NCKAP1: variants seen among roughly 807,000 people sequenced by gnomAD.
NCKAP1 encodes the protein nck-associated protein 1.
In NCKAP1, 21 loss-of-function variants were observed where a neutral mutation model predicts 151.2. The observed-to-expected ratio is 0.14, with a 90% confidence interval of 0.10 to 0.20. NCKAP1 has a LOEUF of 0.20. NCKAP1 is among the 10% of genes least tolerant of loss of function. The pLI is 1.00. For synonymous variants in NCKAP1, 484 were observed against 451.8 expected (o/e 1.07, Z -0.90); for missense variants, 933 against 1,352.1 (o/e 0.69, Z 4.86).
At chr2:182,989,340 A>C (rs962075333) in intron 8 of NCKAP1, among the ~76,000 whole-genome samples, 154 bp from the exon 9 acceptor site, 1 of 152,228 alleles carries the variant, frequency 6.6e-6, no homozygotes, top group African/African-American at 2.4e-5. Context: ...AAACCATGGT[A>C]ATACGTTTCT....
At chr2:183,011,150 T>G (rs983776572) in intron 2 of NCKAP1, among the ~76,000 whole-genome samples, 2 of 152,210 alleles carry the variant, frequency 1.3e-5, no homozygotes, top group Non-Finnish European at 2.9e-5. Flanking sequence ...TAACGTACAG[T>G]GTGTTAGAAA....
At chr2:182,965,166 G>A (rs1401322531) in intron 16 of NCKAP1, among the ~76,000 whole-genome samples, 11 of 151,972 alleles carry the variant, frequency 7.2e-5, no homozygotes, top group Admixed American at 6.5e-4. Flanking sequence ...CAAGGCAGGT[G>A]GATCACTGGA....
intron 8 of NCKAP1, among the ~76,000 whole-genome samples, chr2:182,993,098 C>A (rs532547916): frequency 6.6e-6 from 1 of 152,204 alleles, no homozygotes; most frequent in Non-Finnish European, 1.5e-5. Flanking sequence ...CAACAGATAC[C>A]AAAATCTGTG....
In NCKAP1 at chr2:182,920,147, T is replaced by A. The variant is rs1310984297; in HGVS notation, c.*5555A>T. 1.3e-5 allele frequency: 2 copies of A among 151,906 alleles called. No individual in the cohort carries two copies. The highest frequency in any genetic ancestry group is 3.9e-4 in the East Asian group (2 of 5,176). 9.4% of individuals were successfully genotyped at this position (151,906 alleles called of 1,614,324 possible). ...CACACCCGGCTTTTTCATTTTTGTA[T>A]TTTTTTTGTAGAGATGGGGTTTAGA... On this transcript the variant is annotated 3_prime_UTR_variant, in exon 31 of 31. Transcript: ENST00000361354.
intron 8 of NCKAP1, among the ~76,000 whole-genome samples, chr2:182,992,929 G>A (rs145467244): frequency 7.2e-4 from 110 of 151,840 alleles, no homozygotes; most frequent in African/African-American, 2.6e-3. Flanking sequence ...TTGTTTTTCT[G>A]GTAATTCTAG....
At chr2:183,030,847 T>C (rs941832293) in intron 1 of NCKAP1, among the ~76,000 whole-genome samples, 1 of 152,184 alleles carries the variant, frequency 6.6e-6, no homozygotes, top group Non-Finnish European at 1.5e-5. Context: ...TGGAAAACTT[T>C]ATATCAAGAG....
At position 182,995,852 on chromosome 2, in the gene NCKAP1, GA is replaced by G. The variant is rs753460487; in HGVS notation, c.604-15del. 26 of 1,589,948 alleles carry G rather than the reference GA, an allele frequency of 1.6e-5. No individual in the cohort carries two copies. Among genetic ancestry groups the G allele is most frequent in the African/African-American group, 1.5e-4 (11 of 73,988 alleles). On this transcript the variant is annotated splice_polypyrimidine_tract_variant and intron_variant, in intron 6 of 30. Transcript: ENST00000361354. ...ATCTGAAAGAGACTAATTAAAATAC[GA>G]AAAAAAAGCTGAAGAATAATTTTCT... is the stretch of plus-strand genomic sequence containing the variant.
intron 2 of NCKAP1, among the ~76,000 whole-genome samples, chr2:183,005,783 C>T (rs1209350473): frequency 6.6e-6 from 1 of 152,184 alleles, no homozygotes; most frequent in Non-Finnish European, 1.5e-5. Context: ...ACAATCTATT[C>T]ACTATTTTCT....
rs1453993128 is a variant in NCKAP1 at position 182,922,084 on chromosome 2, A to G, written c.*3618T>C. 2 of 152,226 alleles carry G rather than the reference A, an allele frequency of 1.3e-5. No individual in the cohort carries two copies. The highest frequency in any genetic ancestry group is 2.9e-5 in the Non-Finnish European group (2 of 68,040). 9.4% of individuals were successfully genotyped at this position (152,226 alleles called of 1,614,324 possible). ...GTTCATGCTGTCATTTCAAGTGACT[A>G]CAAAGAAGAAATGAAAGAAAGATGT... On this transcript the variant is annotated 3_prime_UTR_variant, in exon 31 of 31. Transcript: ENST00000361354.
Position 182,925,634 on chromosome 2 carries a change from A to T in NCKAP1, c.*68T>A. 1 of 780,270 alleles carries T rather than the reference A, an allele frequency of 1.3e-6. No homozygotes were observed. The highest frequency in any genetic ancestry group is 2.0e-6 in the Non-Finnish European group (1 of 509,770). The allele number at this position is 780,270 out of a possible 1,614,324, so 48.3% of individuals were successfully genotyped here. ...ACTTTTTCAGGTCTTAAGGTAAAAT[A>T]GTTCCACAGTCTACAGGTAAAACCA... is the stretch of plus-strand genomic sequence containing the variant. On this transcript the variant is annotated 3_prime_UTR_variant, in exon 31 of 31. Transcript: ENST00000361354.
chr2:183,003,195 C>A (rs1414531201), intron 3 of NCKAP1, 38 bp downstream of exon 3: 2 of 1,300,734 alleles, frequency 1.5e-6, no homozygotes, highest in Non-Finnish European at 2.1e-6. Flanking sequence ...TTTAAATCTA[C>A]TTCTGAAGTG....
chr2:183,002,845 A>C, intron 4 of NCKAP1, 129 bp downstream of exon 4: 2 of 621,368 alleles, frequency 3.2e-6, no homozygotes, highest in South Asian at 5.3e-5. Context: ...AAAAGCTATA[A>C]AACAAGCCAA....
At chr2:182,980,275 T>C (rs1388847635) in intron 13 of NCKAP1, among the ~76,000 whole-genome samples, 1 of 151,998 alleles carries the variant, frequency 6.6e-6, no homozygotes, top group Non-Finnish European at 1.5e-5. Context: ...GAGTTTAGAA[T>C]ACTAGCTTGT....
chr2:182,999,617 G>A (rs552052562), intron 6 of NCKAP1, among the ~76,000 whole-genome samples: 2 of 152,234 alleles, frequency 1.3e-5, no homozygotes, highest in South Asian at 4.1e-4. Flanking sequence ...ACCAAAAATA[G>A]AATTACCATT....
At position 182,952,937 on chromosome 2, in the gene NCKAP1, T is replaced by TAAACTTCCAAATACCTAAGGAG; in HGVS notation, c.2373-15_2373-14insCTCCTTAGGTATTTGGAAGTTT. ...GTTTCCAAATACCTAAGGAGAAACG[T>TAAACTTCCAAATACCTAAGGAG]AAACTTATAACCGGAAGAAACTGCT... On this transcript the variant is annotated splice_polypyrimidine_tract_variant and intron_variant, in intron 21 of 30. Coordinates refer to ENST00000361354, the MANE Select transcript of NCKAP1 (RefSeq NM_013436.5). The TAAACTTCCAAATACCTAAGGAG allele has an allele frequency of 6.2e-7, 1 of 1,603,982 alleles. No homozygotes were observed. Among genetic ancestry groups the TAAACTTCCAAATACCTAAGGAG allele is most frequent in the Non-Finnish European group, 8.5e-7 (1 of 1,176,484 alleles).
chr2:183,003,279 T>C lies in NCKAP1; in HGVS notation c.266A>G (p.Asn89Ser). The C allele has an allele frequency of 1.3e-6, 2 of 1,598,878 alleles. No homozygotes were observed. Among genetic ancestry groups the C allele is most frequent in the South Asian group, 1.1e-5 (1 of 87,126 alleles). Residue 89 changes from asparagine (N) to serine (S), a missense_variant, in exon 3 of 31, where the codon AAT (asparagine) becomes AGT (serine). By Grantham distance (46) the Asn-to-Ser change is conservative. Around this residue, in one of 2 missense-constraint regions of NCKAP1, gnomAD observed 607 missense variants for 795.0 expected, o/e 0.76. Transcript: ENST00000361354. Reference sequence around the variant, plus strand: ...AAATGTGAAGTAATATAATGCCAGATTTTTCAGAATCTCTGATTTTTCTTT... The same window carrying C: ...AAATGTGAAGTAATATAATGCCAGACTTTTCAGAATCTCTGATTTTTCTTT... ...LQKEKSEILKNLALYYFTFVD... is the reference protein window; with the variant it reads ...LQKEKSEILKSLALYYFTFVD...
At position 182,994,826 on chromosome 2, in the gene NCKAP1, C is replaced by T. The variant is rs775879391; in HGVS notation, c.790+13G>A. The T allele has an allele frequency of 6.3e-7, 1 of 1,593,410 alleles. No individual in the cohort carries two copies. Among genetic ancestry groups the T allele is most frequent in the South Asian group, 1.1e-5 (1 of 90,484 alleles). ...CCTGGGGAGTAATCATAACACTAACCCATTTTACTTACAGATAATCCACTT... is the reference window on the plus strand; with the variant it reads ...CCTGGGGAGTAATCATAACACTAACTCATTTTACTTACAGATAATCCACTT... On this transcript the variant is annotated intron_variant, in intron 8 of 30. Transcript: ENST00000361354.
In NCKAP1 at chr2:182,915,697, A is replaced by C. The variant is rs1696456475; in HGVS notation, c.*10005T>G. The C allele has an allele frequency of 1.3e-5, 2 of 152,100 alleles. No homozygotes were observed. Among genetic ancestry groups the C allele is most frequent in the Admixed American group, 6.5e-5 (1 of 15,280 alleles). The allele number at this position is 152,100 out of a possible 1,614,324, so 9.4% of individuals were successfully genotyped here. ...CTTGACTATAGGAGGCATTTCTGTA[A>C]AGGGGTAAGATTACAGTTAAGTGTC... On this transcript the variant is annotated 3_prime_UTR_variant, in exon 31 of 31. Transcript: ENST00000361354.
intron 13 of NCKAP1, among the ~76,000 whole-genome samples, chr2:182,979,431 A>G (rs1006021781): frequency 1.3e-5 from 2 of 152,132 alleles, no homozygotes; most frequent in Admixed American, 1.3e-4. Flanking sequence ...ATCCTTTTCA[A>G]TCTAGCTTAA....
Sources: gnomAD v4.1 joint callset for allele counts (sites outside exome capture counted in the v4.1 genomes callset) on GRCh38, gnomAD v4.1.1 for gene constraint, gnomAD v4.1.1 regional missense constraint, MANE v1.5 for transcripts, NCBI Gene and HGNC (gene_info 2026-07-23, HGNC 2026-07-21) for gene names.